TUBGCP6: variants seen among roughly 807,000 people sequenced by gnomAD.
TUBGCP6 encodes tubulin gamma complex component 6.
Under a neutral mutation model 175.8 loss-of-function variants are expected in TUBGCP6, and 161 were observed. The observed-to-expected ratio is 0.92, with a 90% CI of 0.81 to 1.04. The LOEUF (loss-of-function observed/expected upper bound fraction) is 1.04. TUBGCP6 is among the 50% of genes least tolerant of loss of function. The pLI is 0.00. For synonymous variants in TUBGCP6, 1,173 were observed against 1,030.5 expected (o/e 1.14, Z -2.65); for missense variants, 2,572 against 2,433.0 (o/e 1.06, Z -1.20).
chr22:50,244,256 G>A lies in TUBGCP6; in HGVS notation c.204C>T (p.Asn68=), dbSNP rs1386432107. ...AGTCAAAGGACAACATGAGGATCTT[G>A]TTTCTCGCTGGTAGTTTTGACATGT... ...QPDMSKLPAR[N]KILMLSFDLR... is the part of the protein sequence containing the mutation. The change falls in exon 1 of 25, where the codon AAC becomes AAT. Residue 68 remains asparagine (N), a synonymous_variant. Transcript: ENST00000248846. The A allele has an allele frequency of 6.2e-7, 1 of 1,613,554 alleles. No individual in the cohort carries two copies. The highest frequency in any genetic ancestry group is 8.5e-7 in the Non-Finnish European group (1 of 1,180,032).
At chr22:50,226,910 C>A in intron 6 of TUBGCP6, 68 bp from the exon 7 acceptor site, 1 of 1,554,122 alleles carries the variant, frequency 6.4e-7, no homozygotes, top group Non-Finnish European at 8.7e-7. Context: ...CGCAGCCCTG[C>A]CGGCAGCAGC....
In TUBGCP6 at chr22:50,240,195, G is replaced by A; in HGVS notation, c.905+9C>T. ...GGCACTGCATGCCAAGGCAAAGAAGGGCACACACCAGCCAACTCGCTCCCA... is the reference window on the plus strand; with the variant it reads ...GGCACTGCATGCCAAGGCAAAGAAGAGCACACACCAGCCAACTCGCTCCCA... On this transcript the variant is annotated intron_variant, in intron 2 of 24. Coordinates refer to ENST00000248846, the MANE Select transcript of TUBGCP6 (RefSeq NM_020461.4). 1 of 1,613,264 alleles carries A rather than the reference G, an allele frequency of 6.2e-7. No individual in the cohort carries two copies. Among genetic ancestry groups the A allele is most frequent in the Non-Finnish European group, 8.5e-7 (1 of 1,179,976 alleles).
At position 50,220,345 on chromosome 22, in the gene TUBGCP6, C is replaced by T. The variant is rs1292941329; in HGVS notation, c.4014G>A (p.Glu1338=). The T allele has an allele frequency of 1.3e-6, 2 of 1,530,708 alleles. No homozygotes were observed. Among genetic ancestry groups the T allele is most frequent in the East Asian group, 2.4e-5 (1 of 41,146 alleles). 94.8% of individuals were successfully genotyped at this position (1,530,708 alleles called of 1,614,324 possible). The change falls in exon 16 of 25, where the codon GAG becomes GAA. Residue 1338 remains glutamate (E), a synonymous_variant. Transcript: ENST00000248846. ...SLSSPSSGCG[E]GSISVGENVS... ...CGTTCTCCCCCACGCTGATGCTCCCCTCCCCGCAGCCCGAGCTGGGGGAGG... is the reference window on the plus strand; with the variant it reads ...CGTTCTCCCCCACGCTGATGCTCCCTTCCCCGCAGCCCGAGCTGGGGGAGG...
At position 50,226,143 on chromosome 22, in the gene TUBGCP6, C is replaced by T. The variant is rs1264722754; in HGVS notation, c.1740G>A (p.Val580=). The T allele has an allele frequency of 6.2e-7, 1 of 1,614,162 alleles. No individual in the cohort carries two copies. The highest frequency in any genetic ancestry group is 8.5e-7 in the Non-Finnish European group (1 of 1,180,030). Residue 580 remains valine (V), a synonymous_variant, in exon 9 of 25, where the codon GTG becomes GTA. Coordinates refer to ENST00000248846, the MANE Select transcript of TUBGCP6 (RefSeq NM_020461.4). ...THGYVLISKE[V]EDCVPVFLKH... The stretch of plus-strand genomic sequence containing the variant: ...TCAGAAACACGGGAACACAGTCCTC[C>T]ACCTCTTTGGAGATGAGCACGTAGC...
rs759953221 is a variant in TUBGCP6, at chr22:50,225,947, C to T, written c.1834-4G>A. ...CGTCGGACCAACAGAGGTAATGCTG[C>T]CAAAGGGGATGCAAGCACAGCCACC... On this transcript the variant is annotated splice_polypyrimidine_tract_variant and splice_region_variant and intron_variant, in intron 9 of 24. Transcript: ENST00000248846. The T allele has an allele frequency of 2.5e-6, 4 of 1,613,432 alleles. No homozygotes were observed. The East Asian group carries it at 8.9e-5, about 36-fold the overall frequency.
In TUBGCP6 at chr22:50,219,107, G is replaced by A. The variant is rs554921650; in HGVS notation, c.4587C>T (p.Gly1529=). Residue 1529 remains glycine (G), a synonymous_variant, in exon 20 of 25, where the codon GGC becomes GGT. Transcript: ENST00000248846. ...GGTCGCTGAGGGACTGGGCGAACTCGCCGTCCTCCATCAGCAGGAAGTGCC... is the reference window on the plus strand; with the variant it reads ...GGTCGCTGAGGGACTGGGCGAACTCACCGTCCTCCATCAGCAGGAAGTGCC... ...ALRHFLLMED[G]EFAQSLSDLL... 10 of 1,612,872 alleles carry A rather than the reference G, an allele frequency of 6.2e-6. No individual in the cohort carries two copies. The highest frequency in any genetic ancestry group is 5.3e-5 in the African/African-American group (4 of 75,046).
rs1171246004 is a variant in TUBGCP6, at chr22:50,228,144, T to C, written c.1291-116A>G. 2.0e-5 allele frequency: 26 copies of C among 1,274,458 alleles called. No individual in the cohort carries two copies. The Admixed American group carries it at 8.1e-4, about 40-fold the overall frequency. 78.9% of individuals were successfully genotyped at this position (1,274,458 alleles called of 1,614,324 possible). A position where few individuals can be genotyped will look rare whatever the true frequency, so the allele number is the denominator to read the frequency against. ...TTTGTTTCTTGCCTCAGCTCTGGGC[T>C]CCATTTCCAAGCAATGGGCCTCTGT... On this transcript the variant is annotated intron_variant, in intron 4 of 24. Coordinates refer to ENST00000248846, the MANE Select transcript of TUBGCP6 (RefSeq NM_020461.4).
rs1027755885 is a variant in TUBGCP6, at chr22:50,235,931, C to T, written c.906-2405G>A. On this transcript the variant is annotated intron_variant, in intron 2 of 24. Transcript: ENST00000248846. Reference sequence around the variant, plus strand: ...CTCCAGCTTGAGCAACAGAGCAAGACTCCATCTCGGAAAAAAAAAAAAAAA... The same window carrying T: ...CTCCAGCTTGAGCAACAGAGCAAGATTCCATCTCGGAAAAAAAAAAAAAAA... Among the ~76,000 whole-genome samples the T allele has an allele frequency of 6.9e-5, 10 of 144,282 alleles. 1 individual carries two copies. The highest frequency in any genetic ancestry group is 2.6e-4 in the African/African-American group (10 of 38,744). The allele number at this position is 144,282 out of a possible 152,430, so 94.7% of individuals were successfully genotyped here. A position where few individuals can be genotyped will look rare whatever the true frequency, so the allele number is the denominator to read the frequency against.
intron 16 of TUBGCP6, 81 bp downstream of exon 16, chr22:50,220,170 A>G: frequency 1.3e-6 from 2 of 1,546,372 alleles, no homozygotes; most frequent in East Asian, 2.3e-5. Context: ...TTCACATGCC[A>G]CCAACCCCAC....
At chr22:50,226,878 G>A (rs757328484) in intron 6 of TUBGCP6, 36 bp from the exon 7 acceptor site, 22 of 1,558,766 alleles carry the variant, frequency 1.4e-5, no homozygotes, top group African/African-American at 9.5e-5. Context: ...GCAGCTCAGC[G>A]CACCCAGCGC....
intron 2 of TUBGCP6, among the ~76,000 whole-genome samples, chr22:50,239,522 C>T (rs768848340): frequency 1.3e-5 from 2 of 152,184 alleles, no homozygotes; most frequent in Admixed American, 6.5e-5. Context: ...TCAAAAGATA[C>T]CACCACATTA....
chr22:50,242,982 T>G (rs1030377305), intron 1 of TUBGCP6, among the ~76,000 whole-genome samples: 8 of 152,142 alleles, frequency 5.3e-5, no homozygotes, highest in Admixed American at 3.3e-4. Context: ...CTCAGGACAA[T>G]GCAGCCACCA....
rs2064598927 is a variant in TUBGCP6 at position 50,225,839 on chromosome 22, G to A, written c.1938C>T (p.Arg646=). The A allele has an allele frequency of 6.2e-7, 1 of 1,613,568 alleles. No individual in the cohort carries two copies. Among genetic ancestry groups the A allele is most frequent in the African/African-American group, 1.3e-5 (1 of 74,876 alleles). ...AGCTGTGGCGGGCCACCCTCTCCATGCGCCCAACGTAGACGGCACAGTCCT... is the reference window on the plus strand; with the variant it reads ...AGCTGTGGCGGGCCACCCTCTCCATACGCCCAACGTAGACGGCACAGTCCT... ...IEKDCAVYVG[R]MERVARHSSV... is the part of the protein sequence containing the mutation. The change falls in exon 10 of 25, where the codon CGC becomes CGT. Residue 646 remains arginine, a synonymous_variant. Coordinates refer to ENST00000248846, the MANE Select transcript of TUBGCP6 (RefSeq NM_020461.4).
intron 2 of TUBGCP6, among the ~76,000 whole-genome samples, chr22:50,234,667 G>A (rs113561465): frequency 0.011 from 1,253 of 111,154 alleles, 17 homozygotes; most frequent in African/African-American, 0.041. Context: ...CCACACCCCC[G>A]TCCACAGCAG....
At position 50,219,732 on chromosome 22, in the gene TUBGCP6, C is replaced by G. The variant is rs200451987; in HGVS notation, c.4227G>C (p.Ala1409=). The change falls in exon 18 of 25, where the codon GCG becomes GCC. Residue 1409 remains alanine, a synonymous_variant. Coordinates refer to ENST00000248846, the MANE Select transcript of TUBGCP6 (RefSeq NM_020461.4). ...GRGEEAEASA[A]EAQGGEQAYL... is the part of the protein sequence containing the mutation. ...AGGCCTGCTCCCCACCCTGAGCCTC[C>G]GCCGCCGATGCCTCCGCCTCCTCAC... is the stretch of plus-strand genomic sequence containing the variant. The G allele has an allele frequency of 3.1e-6, 5 of 1,613,634 alleles. No individual in the cohort carries two copies. In the East Asian group the frequency reaches 6.7e-5, roughly 22 times the overall value.
In TUBGCP6 at chr22:50,244,577, C is replaced by T; in HGVS notation, c.-118G>A. On this transcript the variant is annotated 5_prime_UTR_variant, in exon 1 of 25. Transcript: ENST00000248846. ...GAAGAGGCTGAATGACAGGCGGCCT[C>T]TCCAATGCCGAAGCTCAGAACTGGT... The T allele has an allele frequency of 3.5e-6, 5 of 1,426,640 alleles. No homozygotes were observed. The South Asian group carries it at 4.4e-5, about 13-fold the overall frequency. The allele number at this position is 1,426,640 out of a possible 1,614,324, so 88.4% of individuals were successfully genotyped here. A position where few individuals can be genotyped will look rare whatever the true frequency, so the allele number is the denominator to read the frequency against.
At position 50,220,889 on chromosome 22, in the gene TUBGCP6, C is replaced by T. The variant is rs760242683; in HGVS notation, c.3470G>A (p.Arg1157Gln). ...GGACACGTGTCCATGGGTGTTCCAC[C>T]GTGGCCGGGTGGGAGCCACGTCCGA... ...NVSDVAPTRP[R>Q]WNTHGHVSDA... The change falls in exon 16 of 25, where the codon CGG becomes CAG. Residue 1157 changes from arginine (R) to glutamine (Q), a missense_variant. By Grantham distance (43) the Arg-to-Gln change is conservative. Coordinates refer to ENST00000248846, the MANE Select transcript of TUBGCP6 (RefSeq NM_020461.4). 3.0e-5 allele frequency: 48 copies of T among 1,612,940 alleles called. No homozygotes were observed. The South Asian group carries it at 3.4e-4, about 11-fold the overall frequency.
intron 19 of TUBGCP6, 26 bp from the exon 20 acceptor site, chr22:50,219,235 G>A: frequency 6.2e-7 from 1 of 1,610,772 alleles, no homozygotes; most frequent in Non-Finnish European, 8.5e-7. Flanking sequence ...TGGAGTCAGG[G>A]CGGGCCAGGA....
chr22:50,239,256 A>C (rs2064811710), intron 2 of TUBGCP6, among the ~76,000 whole-genome samples: 2 of 152,196 alleles, frequency 1.3e-5, no homozygotes. Context: ...GGCTCACTGC[A>C]AACTCCACCT....
Sources: allele counts gnomAD v4.1 joint callset (sites outside exome capture counted in the v4.1 genomes callset), GRCh38; gene constraint gnomAD v4.1.1; transcripts MANE v1.5; gene names NCBI Gene and HGNC (gene_info 2026-07-23, HGNC 2026-07-21).